MORC2: variants seen among roughly 807,000 people sequenced by gnomAD.
MORC2 encodes the protein MORC family CW-type zinc finger 2, also known as ATPase MORC2.
MORC2 carries 30 observed loss-of-function variants against 136.0 expected under a neutral mutation model. That is an observed-to-expected ratio of 0.22 (90% CI 0.17 to 0.30). The LOEUF (loss-of-function observed/expected upper bound fraction) is 0.30. Among genes scored for constraint, MORC2 ranks in the 10% least tolerant of loss-of-function variants. MORC2 has a pLI of 1.00. For missense variants in MORC2, 922 were observed against 1,333.1 expected (o/e 0.69, Z 4.80); for synonymous variants, 439 against 487.0 (o/e 0.90, Z 1.30).
chr22:30,944,479 G>A (rs537178767), intron 6 of MORC2, among the ~76,000 whole-genome samples: 17 of 151,424 alleles, frequency 1.1e-4, no homozygotes, highest in African/African-American at 3.4e-4. Context: ...TCCTCTCCCC[G>A]ACCTTTAGAT....
In MORC2 at chr22:30,932,546, G is replaced by A. The variant is rs1305351282; in HGVS notation, c.2746C>T (p.Arg916Trp). The A allele has an allele frequency of 6.2e-7, 1 of 1,614,064 alleles. No individual in the cohort carries two copies. Residue 916 changes from arginine (R) to tryptophan (W), a missense_variant and splice_region_variant, in exon 23 of 26, where the codon CGG (arginine) becomes TGG (tryptophan). Transcript: ENST00000397641. This position sits in a 1 kb window ranked among gnomAD's most constrained non-coding sequence, Gnocchi z 4.4. ...ETIDLLVQILRNCLRYFLPPS... is the reference protein window; with the variant it reads ...ETIDLLVQILWNCLRYFLPPS... ...TGGGAAGACAAAAGACACATGTACCGGAGGATCTGGACAAGCAGGTCGATG... is the reference window on the plus strand; with the variant it reads ...TGGGAAGACAAAAGACACATGTACCAGAGGATCTGGACAAGCAGGTCGATG...
At chr22:30,951,806 G>A (rs892615101) in intron 3 of MORC2, among the ~76,000 whole-genome samples, 4 of 151,862 alleles carry the variant, frequency 2.6e-5, no homozygotes, top group Non-Finnish European at 5.9e-5. Flanking sequence ...AAATTAAAAT[G>A]CTATTTTTTT....
At chr22:30,966,169 T>TGA (rs2041125801) in intron 1 of MORC2, among the ~76,000 whole-genome samples, 1 of 152,204 alleles carries the variant, frequency 6.6e-6, no homozygotes, top group South Asian at 2.1e-4. Flanking sequence ...AAGTCTTTGG[T>TGA]GAAGCTGGAA....
In MORC2 at chr22:30,936,916, T is replaced by G; in HGVS notation, c.1604+16A>C. 1 of 1,605,584 alleles carries G rather than the reference T, an allele frequency of 6.2e-7. No individual in the cohort carries two copies. The highest frequency in any genetic ancestry group is 8.5e-7 in the Non-Finnish European group (1 of 1,172,456). On this transcript the variant is annotated intron_variant, in intron 16 of 25. Transcript: ENST00000397641. ...AGAAAAGTACCCACAATCCCCTTGT[T>G]AGACAATGTGCTCACCGGTCCTGTT...
At chr22:30,940,293 T>TAAAAAAAAA (rs779153213) in intron 10 of MORC2, among the ~76,000 whole-genome samples, 22 of 130,368 alleles carry the variant, frequency 1.7e-4, no homozygotes, top group African/African-American at 5.9e-4. Context: ...AGAACAGGTT[T>TAAAAAAAAA]AAAAAAAAAA....
chr22:30,940,673 G>A, intron 10 of MORC2, 85 bp downstream of exon 10: 1 of 1,212,074 alleles, frequency 8.3e-7, no homozygotes, highest in South Asian at 1.2e-5. Flanking sequence ...TGTGGACTCA[G>A]CCTTTTCCTG....
chr22:30,964,922 TCAC>T (rs2041103873), intron 1 of MORC2, among the ~76,000 whole-genome samples: 1 of 57,464 alleles, frequency 1.7e-5, no homozygotes, highest in Admixed American at 1.6e-4. Flanking sequence ...AGAGTAACAC[TCAC>T]CATTCACACA....
At chr22:30,956,506 C>G (rs2040970031) in intron 3 of MORC2, among the ~76,000 whole-genome samples, 1 of 152,202 alleles carries the variant, frequency 6.6e-6, no homozygotes. Context: ...CCATCACTTC[C>G]ATAACTCTAC....
Position 30,946,229 on chromosome 22 carries a change from G to A in MORC2, c.426+112C>T, listed in dbSNP as rs2040813302. The stretch of plus-strand genomic sequence containing the variant: ...ACTGCATAACAATTAGGGGGAATGT[G>A]CTCCAATCCTGCAACCCCAAAGAGT... On this transcript the variant is annotated intron_variant, in intron 6 of 25. Transcript: ENST00000397641. The A allele has an allele frequency of 9.6e-6, 7 of 728,678 alleles. No homozygotes were observed. The East Asian group carries it at 1.9e-4, about 20-fold the overall frequency. 45.1% of individuals were successfully genotyped at this position (728,678 alleles called of 1,614,324 possible). A position where few individuals can be genotyped will look rare whatever the true frequency, so the allele number is the denominator to read the frequency against.
chr22:30,963,480 G>A (rs1264276604), intron 1 of MORC2: 3 of 193,290 alleles, frequency 1.6e-5, no homozygotes, highest in African/African-American at 7.2e-5. Flanking sequence ...CTGCCTCCCA[G>A]TTCAAGAGAT....
rs1177521189 is a variant in MORC2 at position 30,940,077 on chromosome 22, A to G, written c.905-36T>C. ...GAAGAGAACATGGTAAGAAATGCAA[A>G]GGTTCAAAACTCTTGGTCATCCCTC... On this transcript the variant is annotated intron_variant, in intron 10 of 25. Coordinates refer to ENST00000397641, the MANE Select transcript of MORC2 (RefSeq NM_001303256.3). The G allele has an allele frequency of 1.9e-6, 3 of 1,603,538 alleles. No individual in the cohort carries two copies. In the South Asian group the frequency reaches 3.3e-5, roughly 18 times the overall value.
At chr22:30,950,500 A>AT in intron 3 of MORC2, 55 bp from the exon 4 acceptor site, 1 of 1,541,212 alleles carries the variant, frequency 6.5e-7, no homozygotes, top group Non-Finnish European at 9.0e-7. Context: ...GGGTGGCAAC[A>AT]TGCCTATGAT....
At chr22:30,942,068 G>A (rs1222153743) in intron 7 of MORC2, 44 bp downstream of exon 7, 1 of 1,610,350 alleles carries the variant, frequency 6.2e-7, no homozygotes, top group Non-Finnish European at 8.5e-7. Flanking sequence ...TTGTGATTCT[G>A]GAGCTCCCAG....
At position 30,967,711 on chromosome 22, in the gene MORC2, G is replaced by A. The variant is rs879583652; in HGVS notation, c.68+111C>T. The A allele has an allele frequency of 5.9e-6, 9 of 1,515,612 alleles. No individual in the cohort carries two copies. In the Admixed American group the frequency reaches 1.0e-4, roughly 17 times the overall value. 93.9% of individuals were successfully genotyped at this position (1,515,612 alleles called of 1,614,324 possible). A position where few individuals can be genotyped will look rare whatever the true frequency, so the allele number is the denominator to read the frequency against. ...ATATCCAGTGACACATTTCACTCCA[G>A]TGGGATACATCTCAAAAAGTGAAAA... On this transcript the variant is annotated intron_variant, in intron 1 of 25. Transcript: ENST00000397641.
chr22:30,942,877 C>T (rs1021470226), intron 6 of MORC2, among the ~76,000 whole-genome samples: 7 of 152,056 alleles, frequency 4.6e-5, no homozygotes, highest in Non-Finnish European at 8.8e-5. Flanking sequence ...TGGCAGCGTG[C>T]GTCTGTAGCC....
intron 4 of MORC2, 24 bp downstream of exon 4, chr22:30,950,353 C>CCCCAAAAAAAAAAAA: frequency 6.7e-7 from 1 of 1,481,940 alleles, no homozygotes; most frequent in South Asian, 1.1e-5. Context: ...CCCCACCCCC[C>CCCCAAAAAAAAAAAA]AAAACAATAA....
At chr22:30,933,984 T>TG in intron 20 of MORC2, 76 bp downstream of exon 20, 6 of 1,494,026 alleles carry the variant, frequency 4.0e-6, no homozygotes, top group Admixed American at 1.8e-5. Flanking sequence ...AGACTGCTGA[T>TG]GGGGGGTGCA....
In MORC2 at chr22:30,928,134, C is replaced by T. The variant is rs1278082078; in HGVS notation, c.2915G>A (p.Arg972Gln). 3.7e-6 allele frequency: 6 copies of T among 1,614,132 alleles called. No homozygotes were observed. Among genetic ancestry groups the T allele is most frequent in the Middle Eastern group, 1.6e-4 (1 of 6,062 alleles). The change falls in exon 25 of 26, where the codon CGG (arginine) becomes CAG (glutamine). Residue 972 changes from arginine (R) to glutamine (Q), a missense_variant. Arg to Gln is a conservative substitution (Grantham distance 43). Coordinates refer to ENST00000397641, the MANE Select transcript of MORC2 (RefSeq NM_001303256.3). ...CNSYQSRADS[R>Q]AKASEESLRT... The stretch of plus-strand genomic sequence containing the variant: ...CAGGCTTTCCTCGGAGGCCTTGGCC[C>T]GGGAGTCAGCACGGCTCTGGTAGGA...
Position 30,934,873 on chromosome 22 carries a change from G to A in MORC2, c.2101C>T (p.Pro701Ser). ...ACCTCCCGAGGGCTCTTGGAGTTGGGCAGTAAAGATGGTGACAGTTGCTGC... is the reference window on the plus strand; with the variant it reads ...ACCTCCCGAGGGCTCTTGGAGTTGGACAGTAAAGATGGTGACAGTTGCTGC... ...LVQQLSPSLL[P>S]NSKSPREVPS... Residue 701 changes from proline (P) to serine (S), a missense_variant, in exon 19 of 26, where the codon CCC (proline) becomes TCC (serine). Pro to Ser is a moderately conservative substitution (Grantham distance 74). Around this residue, in one of 9 missense-constraint regions of MORC2, gnomAD observed 184 missense variants for 180.3 expected, o/e 1.02. Transcript: ENST00000397641. This position sits in a 1 kb window ranked among gnomAD's most constrained non-coding sequence, Gnocchi z 4.4. 6.2e-7 allele frequency: 1 copy of A among 1,614,170 alleles called. No individual in the cohort carries two copies. The highest frequency in any genetic ancestry group is 8.5e-7 in the Non-Finnish European group (1 of 1,180,038).
Sources: allele counts gnomAD v4.1 joint callset (sites outside exome capture counted in the v4.1 genomes callset), GRCh38; gene constraint gnomAD v4.1.1; regional missense constraint gnomAD v4.1.1; non-coding constraint Gnocchi (gnomAD v3.1); transcripts MANE v1.5; gene names NCBI Gene and HGNC (gene_info 2026-07-23, HGNC 2026-07-21).